Variants in PNKD observed in about 807,000 individuals in gnomAD.
PNKD encodes probable thioesterase PNKD.
PNKD carries 36 observed loss-of-function variants against 45.3 expected under a neutral mutation model. The observed-to-expected ratio is 0.80, with a 90% CI of 0.61 to 1.05. PNKD has a LOEUF of 1.05. PNKD is among the 50% of genes least tolerant of loss of function. The pLI is 0.00. For synonymous variants in PNKD, 197 were observed against 210.1 expected (o/e 0.94, Z 0.54); for missense variants, 511 against 506.6 (o/e 1.01, Z -0.08).
chr2:218,278,150 G>C, intron 2 of PNKD: 1 of 669,266 alleles, frequency 1.5e-6, no homozygotes, highest in East Asian at 2.7e-5. Flanking sequence ...GGACAACATG[G>C]GCCAATGAGA....
In PNKD at chr2:218,339,322, G is replaced by A. The variant is rs568933776; in HGVS notation, c.237-461G>A. Among the ~76,000 whole-genome samples the A allele has an allele frequency of 1.0e-4, 15 of 150,700 alleles. No individual in the cohort carries two copies. The East Asian group carries it at 2.6e-3, about 26-fold the overall frequency. On this transcript the variant is annotated intron_variant, in intron 2 of 9. Transcript: ENST00000273077. ...GGCCTGGGCTGCAGTGCAGTGGTGC[G>A]ATGCCCAATTCTCCTGCCTCAGCCT...
At position 218,342,030 on chromosome 2, in the gene PNKD, G is replaced by A. The variant is rs746776058; in HGVS notation, c.667G>A (p.Ala223Thr). The change falls in exon 7 of 10, where the codon GCC (alanine) becomes ACC (threonine). Residue 223 changes from alanine to threonine, a missense_variant. Ala to Thr is a moderately conservative substitution (Grantham distance 58). Transcript: ENST00000273077. Reference sequence around the variant, plus strand: ...CAGCGTGGGACGGCTTCAGATCCGGGCCCTGGCTACACCTGGCCACACACA... The same window carrying A: ...CAGCGTGGGACGGCTTCAGATCCGGACCCTGGCTACACCTGGCCACACACA... ...VVSVGRLQIR[A>T]LATPGHTQGH... The A allele has an allele frequency of 3.7e-6, 6 of 1,613,650 alleles. No homozygotes were observed. The Admixed American group carries it at 1.0e-4, about 27-fold the overall frequency.
intron 2 of PNKD, among the ~76,000 whole-genome samples, chr2:218,337,958 C>T (rs1312152873): frequency 6.6e-6 from 1 of 151,678 alleles, no homozygotes. Flanking sequence ...ACCATCCTGG[C>T]CCACATGGTG....
chr2:218,333,437 T>A (rs1054094941), intron 2 of PNKD, among the ~76,000 whole-genome samples: 23 of 152,212 alleles, frequency 1.5e-4, no homozygotes, highest in African/African-American at 5.5e-4. Flanking sequence ...GACCCTGCTC[T>A]AGCAGCTGGG....
At chr2:218,281,004 G>A (rs1018866847) in intron 2 of PNKD, 1 of 150,688 alleles carries the variant, frequency 6.6e-6, no homozygotes, top group East Asian at 1.9e-4. Flanking sequence ...GTAGAGACAG[G>A]GTTTCACCAT....
At chr2:218,298,635 T>A (rs957495995) in intron 2 of PNKD, among the ~76,000 whole-genome samples, 1 of 152,118 alleles carries the variant, frequency 6.6e-6, no homozygotes, top group Non-Finnish European at 1.5e-5. Context: ...ACAACCTCCT[T>A]TCACACTAAG....
In PNKD at chr2:218,343,261, C is replaced by T. The variant is rs188505077; in HGVS notation, c.782-239C>T. 6.4e-3 allele frequency among the ~76,000 whole-genome samples: 974 copies of T among 152,346 alleles called. 11 individuals are homozygous for T. Among genetic ancestry groups the T allele is most frequent in the Non-Finnish European group, 6.9e-3 (471 of 68,034 alleles). On this transcript the variant is annotated intron_variant, in intron 7 of 9. Transcript: ENST00000273077. Reference sequence around the variant, plus strand: ...CTGCAGCCCGAAGATTCCACAGCCCCTCCCTTCAGGTGTCACTGTGTGCAA... The same window carrying T: ...CTGCAGCCCGAAGATTCCACAGCCCTTCCCTTCAGGTGTCACTGTGTGCAA...
chr2:218,340,248 C>T lies in PNKD; in HGVS notation c.465+107C>T, dbSNP rs1694633793. 2.7e-6 allele frequency: 2 copies of T among 737,466 alleles called. No individual in the cohort carries two copies. The highest frequency in any genetic ancestry group is 4.9e-6 in the Non-Finnish European group (2 of 410,394). The allele number at this position is 737,466 out of a possible 1,614,324, so 45.7% of individuals were successfully genotyped here. Reference sequence around the variant, plus strand: ...TTGTCCGTCTGCCCGTGGGATGTGTCCCATATGCTCCATGTTCACACGTGC... The same window carrying T: ...TTGTCCGTCTGCCCGTGGGATGTGTTCCATATGCTCCATGTTCACACGTGC... On this transcript the variant is annotated intron_variant, in intron 4 of 9. Transcript: ENST00000273077. This position sits in a 1 kb window ranked among gnomAD's most constrained non-coding sequence, Gnocchi z 4.2.
Position 218,344,826 on chromosome 2 carries a change from G to C in PNKD, c.1003G>C (p.Glu335Gln). 1 of 1,613,976 alleles carries C rather than the reference G, an allele frequency of 6.2e-7. No homozygotes were observed. The highest frequency in any genetic ancestry group is 8.5e-7 in the Non-Finnish European group (1 of 1,179,842). Residue 335 changes from glutamate to glutamine, a missense_variant, in exon 10 of 10, where the codon GAG becomes CAG. Glu to Gln is a conservative substitution (Grantham distance 29). Coordinates refer to ENST00000273077, the MANE Select transcript of PNKD (RefSeq NM_015488.5). ...RKGTCPSTLG[E>Q]ERSYNPFLRT... ...CCCACAGTGCCCATCTACCCTGGGA[G>C]AGGAGCGCTCCTACAACCCGTTCCT...
chr2:218,270,565 G>A lies in PNKD; in HGVS notation c.30G>A (p.Leu10=). Residue 10 remains leucine (L), a synonymous_variant, in exon 1 of 10, where the codon CTG becomes CTA. Transcript: ENST00000273077. MAAVVAATA[L]KGRGARNARV... ...CGGCGGTGGTAGCTGCTACGGCGCT[G>A]AAGGGCCGGGGGGCGAGAAATGCCC... 1.6e-6 allele frequency: 2 copies of A among 1,217,442 alleles called. No individual in the cohort carries two copies. Among genetic ancestry groups the A allele is most frequent in the East Asian group, 3.0e-5 (1 of 32,960 alleles). 75.4% of individuals were successfully genotyped at this position (1,217,442 alleles called of 1,614,324 possible). A position where few individuals can be genotyped will look rare whatever the true frequency, so the allele number is the denominator to read the frequency against.
intron 2 of PNKD, among the ~76,000 whole-genome samples, chr2:218,320,334 T>G (rs1693952299): frequency 6.6e-6 from 1 of 152,234 alleles, no homozygotes; most frequent in Non-Finnish European, 1.5e-5. Context: ...ATCAAGGTAA[T>G]TAGCATATCC....
At chr2:218,341,036 A>G in intron 5 of PNKD, 1 of 587,032 alleles carries the variant, frequency 1.7e-6, no homozygotes, top group Non-Finnish European at 3.0e-6. Context: ...GGCATGTATT[A>G]GATACCTACT....
chr2:218,287,146 G>A (rs1195677699), intron 2 of PNKD: 2 of 152,110 alleles, frequency 1.3e-5, no homozygotes, highest in Admixed American at 6.6e-5. Flanking sequence ...GGACTAAGAG[G>A]ATGAAGCCAC....
intron 6 of PNKD, 34 bp downstream of exon 6, chr2:218,341,660 C>A (rs1279421081): frequency 1.3e-5 from 18 of 1,414,156 alleles, no homozygotes; most frequent in Non-Finnish European, 1.7e-5. Context: ...GATGGCCCTT[C>A]CATGGGCCCT....
intron 2 of PNKD, among the ~76,000 whole-genome samples, chr2:218,293,519 G>C (rs1301138887): frequency 6.8e-6 from 1 of 147,882 alleles, no homozygotes; most frequent in Non-Finnish European, 1.5e-5. Flanking sequence ...GACCAACTCT[G>C]TTTAAAGTGC....
chr2:218,278,395 C>T, intron 2 of PNKD: 1 of 1,045,988 alleles, frequency 9.6e-7, no homozygotes, highest in East Asian at 2.4e-5. Context: ...TCGTCATCCT[C>T]CTCCTCATTT....
chr2:218,278,008 T>C, intron 2 of PNKD: 1 of 1,613,222 alleles, frequency 6.2e-7, no homozygotes. Context: ...TTAAATGACT[T>C]GGGGCCCCTC....
intron 2 of PNKD, among the ~76,000 whole-genome samples, chr2:218,339,277 T>C (rs922902835): frequency 1.3e-5 from 2 of 152,010 alleles, no homozygotes; most frequent in Admixed American, 6.6e-5. Context: ...TCTTTTTTTT[T>C]AGACAGAGTC....
intron 2 of PNKD, among the ~76,000 whole-genome samples, chr2:218,299,362 G>A (rs981912819): frequency 2.0e-5 from 3 of 152,118 alleles, no homozygotes; most frequent in South Asian, 2.1e-4. Context: ...GGCTGGTCTC[G>A]AACTCCTGAC....
Sources: allele counts gnomAD v4.1 joint callset (sites outside exome capture counted in the v4.1 genomes callset), GRCh38; gene constraint gnomAD v4.1.1; non-coding constraint Gnocchi (gnomAD v3.1); transcripts MANE v1.5; gene names NCBI Gene and HGNC (gene_info 2026-07-23, HGNC 2026-07-21).